Variants in VPS13B observed in about 807,000 individuals in gnomAD.
VPS13B encodes the protein vacuolar protein sorting 13 homolog B.
VPS13B carries 285 observed loss-of-function variants against 426.4 expected under a neutral mutation model. The ratio of observed to expected loss-of-function variants is 0.67; its 90% confidence interval spans 0.61 to 0.74. The LOEUF is 0.74. Among genes scored for constraint, VPS13B ranks in the 30% least tolerant of loss-of-function variants. VPS13B has a pLI of 0.00. For missense variants in VPS13B, 4,537 were observed against 4,782.6 expected (o/e 0.95, Z 1.51); for synonymous variants, 1,676 against 1,676.4 (o/e 1.00, Z 0.01).
At chr8:99,050,534 C>T (rs1843483557) in intron 3 of VPS13B, among the ~76,000 whole-genome samples, 1 of 152,144 alleles carries the variant, frequency 6.6e-6, no homozygotes, top group South Asian at 2.1e-4. Flanking sequence ...ATTTATAATA[C>T]TTTGGGCATA....
intron 39 of VPS13B, among the ~76,000 whole-genome samples, chr8:99,738,632 AC>A (rs1164279500): frequency 7.2e-5 from 11 of 152,166 alleles, no homozygotes; most frequent in African/African-American, 2.7e-4. Flanking sequence ...TACACATACA[AC>A]CTTACATTTT....
At chr8:99,654,768 G>C (rs1424604175) in intron 34 of VPS13B, among the ~76,000 whole-genome samples, 1 of 151,968 alleles carries the variant, frequency 6.6e-6, no homozygotes, top group Non-Finnish European at 1.5e-5. Flanking sequence ...TAGCATGATA[G>C]GAATTTCCAA....
chr8:99,514,745 C>T (rs1392044729), intron 29 of VPS13B, among the ~76,000 whole-genome samples: 1 of 152,158 alleles, frequency 6.6e-6, no homozygotes, highest in Admixed American at 6.5e-5. Flanking sequence ...GCTATGAACA[C>T]TGGCATGGAA....
chr8:99,870,940 G>C, intron 60 of VPS13B, 53 bp downstream of exon 60: 7 of 1,568,912 alleles, frequency 4.5e-6, no homozygotes, highest in South Asian at 1.1e-5. Context: ...TATGTTAATA[G>C]CTCCTGGCTT....
chr8:99,339,589 A>G (rs1400656823), intron 19 of VPS13B, among the ~76,000 whole-genome samples: 1 of 151,038 alleles, frequency 6.6e-6, no homozygotes, highest in Non-Finnish European at 1.5e-5. Flanking sequence ...TGGTGGAGAC[A>G]CAGATCCAAA....
intron 3 of VPS13B, among the ~76,000 whole-genome samples, chr8:99,058,205 T>A (rs904312746): frequency 6.6e-6 from 1 of 152,220 alleles, no homozygotes; most frequent in East Asian, 1.9e-4. Context: ...AGGTTATGTA[T>A]GGCACTGGAA....
At chr8:99,360,200 C>A (rs1475085874) in intron 19 of VPS13B, among the ~76,000 whole-genome samples, 1 of 40,780 alleles carries the variant, frequency 2.5e-5, no homozygotes, top group Non-Finnish European at 5.0e-5. Context: ...CTCTCTCTCT[C>A]TCTCTCTCTC....
At chr8:99,429,477 A>T (rs893996770) in intron 21 of VPS13B, 1 of 152,034 alleles carries the variant, frequency 6.6e-6, no homozygotes, top group African/African-American at 2.4e-5. Context: ...TCTATTTGCC[A>T]CCTTATATCT....
At chr8:99,525,874 G>C (rs62534591) in intron 30 of VPS13B, among the ~76,000 whole-genome samples, 3,107 of 152,296 alleles carry the variant, frequency 0.02, 47 homozygotes, top group Non-Finnish European at 0.03. Flanking sequence ...GGATCCTGAA[G>C]CAGGAAGAAG....
At chr8:99,159,765 T>C (rs1357256409) in intron 15 of VPS13B, among the ~76,000 whole-genome samples, 1 of 152,182 alleles carries the variant, frequency 6.6e-6, no homozygotes, top group Non-Finnish European at 1.5e-5. Flanking sequence ...GCTCAAGTGA[T>C]TCTCCCATCT....
intron 21 of VPS13B, among the ~76,000 whole-genome samples, chr8:99,417,672 TCTTTA>T (rs1261701074): frequency 3.9e-5 from 6 of 152,202 alleles, no homozygotes; most frequent in African/African-American, 2.4e-5. Flanking sequence ...GACATTCATA[TCTTTA>T]CTTTGCTATT....
intron 28 of VPS13B, among the ~76,000 whole-genome samples, chr8:99,510,606 G>C (rs1244816076): frequency 6.6e-6 from 1 of 152,144 alleles, no homozygotes; most frequent in Non-Finnish European, 1.5e-5. Context: ...GGGTTGAAGC[G>C]ATTCTTGTGC....
intron 39 of VPS13B, among the ~76,000 whole-genome samples, chr8:99,759,230 T>TG (rs543427338): frequency 1.5e-3 from 227 of 152,302 alleles, no homozygotes; most frequent in Non-Finnish European, 2.5e-3. Context: ...GCACAAGCCC[T>TG]GGATCTTGTC....
intron 17 of VPS13B, among the ~76,000 whole-genome samples, chr8:99,197,525 A>T (rs1436618723): frequency 6.6e-6 from 1 of 152,156 alleles, no homozygotes; most frequent in Non-Finnish European, 1.5e-5. Flanking sequence ...GAGTCTTGAT[A>T]GGTTAAATGT....
intron 53 of VPS13B, 77 bp downstream of exon 53, chr8:99,835,401 G>T: frequency 6.6e-7 from 1 of 1,518,682 alleles, no homozygotes. Context: ...GTAGTTACCT[G>T]TGATCCTGTG....
chr8:99,817,874 G>A lies in VPS13B; in HGVS notation c.8361+71G>A, dbSNP rs187868165. On this transcript the variant is annotated intron_variant, in intron 45 of 61. Coordinates refer to ENST00000357162, the MANE Select transcript of VPS13B (RefSeq NM_152564.5). ...AATTTTCTCAAAATGTTCTTTACTC[G>A]TACAGCACTTAATTTATTAAAAAGT... is the stretch of plus-strand genomic sequence containing the variant. 59 of 1,606,436 alleles carry A rather than the reference G, an allele frequency of 3.7e-5. 1 individual carries two copies. In the Middle Eastern group the frequency reaches 3.3e-3, roughly 90 times the overall value.
intron 6 of VPS13B, among the ~76,000 whole-genome samples, chr8:99,112,334 G>T (rs1588049909): frequency 6.6e-6 from 1 of 152,154 alleles, no homozygotes; most frequent in East Asian, 1.9e-4. Context: ...ATTAACTACT[G>T]TTCCTGTTTG....
At chr8:99,337,977 C>G (rs540428025) in intron 19 of VPS13B, among the ~76,000 whole-genome samples, 1 of 152,066 alleles carries the variant, frequency 6.6e-6, no homozygotes, top group African/African-American at 2.4e-5. Flanking sequence ...CATTCAGTGC[C>G]CTGGCATGTT....
intron 33 of VPS13B, among the ~76,000 whole-genome samples, chr8:99,589,342 C>G (rs1047183999): frequency 6.6e-6 from 1 of 151,626 alleles, no homozygotes; most frequent in Non-Finnish European, 1.5e-5. Flanking sequence ...TCTCCTAATG[C>G]TATCCCTCCC....
Sources: gnomAD v4.1 joint callset for allele counts (sites outside exome capture counted in the v4.1 genomes callset) on GRCh38, gnomAD v4.1.1 for gene constraint, MANE v1.5 for transcripts, NCBI Gene and HGNC (gene_info 2026-07-23, HGNC 2026-07-21) for gene names.